Variants in NT5C3A observed in about 807,000 individuals in gnomAD.
NT5C3A encodes cytosolic 5'-nucleotidase 3A.
NT5C3A carries 23 observed loss-of-function variants against 40.0 expected under a neutral mutation model. The ratio of observed to expected loss-of-function variants is 0.58; its 90% CI spans 0.41 to 0.81. The LOEUF (loss-of-function observed/expected upper bound fraction) is 0.81, where lower values mean the gene tolerates loss of function less well. NT5C3A is among the 40% of genes least tolerant of loss of function. The pLI, the probability that NT5C3A is intolerant of heterozygous loss-of-function variation, is 0.00. For missense variants in NT5C3A, 328 were observed against 403.0 expected, an observed-to-expected ratio of 0.81 and a Z score of 1.59; for synonymous variants, 130 against 141.4, an observed-to-expected ratio of 0.92 and a Z score of 0.57.
chr7:33,043,763 A>G (rs1787025307), intron 1 of NT5C3A, among the ~76,000 whole-genome samples: 1 of 152,094 alleles, frequency 6.6e-6, no homozygotes, highest in Non-Finnish European at 1.5e-5. Context: ...CCCAGTGTGT[A>G]TGTGGTAGGA....
At chr7:33,022,137 C>A in intron 3 of NT5C3A, 38 bp from the exon 4 acceptor site, 1 of 1,091,212 alleles carries the variant, frequency 9.2e-7, no homozygotes, top group Non-Finnish European at 1.4e-6. Context: ...AAAAGAAATA[C>A]TCTGATTTAT....
intron 1 of NT5C3A, among the ~76,000 whole-genome samples, chr7:33,042,017 T>TTAAAAAAAAAAAAAAA (rs1289334146): frequency 6.6e-6 from 1 of 152,164 alleles, no homozygotes; most frequent in Non-Finnish European, 1.5e-5. Flanking sequence ...GAAAAAAATT[T>TTAAAAAAAAAAAAAAA]TAAATTGCTG....
At chr7:33,044,033 CTTTTTTTTTTG>C (rs1787040112) in intron 1 of NT5C3A, among the ~76,000 whole-genome samples, 1 of 143,632 alleles carries the variant, frequency 7.0e-6, no homozygotes, top group African/African-American at 2.6e-5. Context: ...TTTTTTTTTT[CTTTTTTTTTTG>C]AGACAGAGGT....
At position 33,062,745 on chromosome 7, in the gene NT5C3A, G is replaced by C. The variant is rs753007541; in HGVS notation, c.-40C>G. ...TGCGCGTCCAAGCAGGAAAAAAACAGGCAGCTCGCGTAGACTGCGAGTCTC... is the reference window on the plus strand; with the variant it reads ...TGCGCGTCCAAGCAGGAAAAAAACACGCAGCTCGCGTAGACTGCGAGTCTC... On this transcript the variant is annotated 5_prime_UTR_variant, in exon 1 of 9. Transcript: ENST00000610140. 2.6e-6 allele frequency: 4 copies of C among 1,549,520 alleles called. No individual in the cohort carries two copies. Among genetic ancestry groups the C allele is most frequent in the Admixed American group, 2.0e-5 (1 of 50,976 alleles).
At chr7:33,038,793 C>G (rs1439264891) in intron 1 of NT5C3A, 2 of 454,686 alleles carry the variant, frequency 4.4e-6, no homozygotes, top group Non-Finnish European at 8.8e-6. Flanking sequence ...TAAACCTATA[C>G]CTGGTATATA....
intron 1 of NT5C3A, among the ~76,000 whole-genome samples, chr7:33,032,119 T>C (rs1786300121): frequency 6.6e-6 from 1 of 151,410 alleles, no homozygotes; most frequent in South Asian, 2.1e-4. Context: ...AGCGAGACTC[T>C]GTCTCAAAAA....
At chr7:33,038,001 A>G (rs17471313) in intron 1 of NT5C3A, among the ~76,000 whole-genome samples, 4,321 of 152,242 alleles carry the variant, frequency 0.028, 90 homozygotes, top group South Asian at 0.12. Flanking sequence ...AACAAACAAG[A>G]TATTATAGAA....
chr7:33,055,630 A>G (rs1787540118), intron 1 of NT5C3A, among the ~76,000 whole-genome samples: 1 of 152,226 alleles, frequency 6.6e-6, no homozygotes, highest in African/African-American at 2.4e-5. Context: ...TGGAACGACC[A>G]TCTCACGACC....
At chr7:33,051,898 G>C (rs1042109186) in intron 1 of NT5C3A, among the ~76,000 whole-genome samples, 1 of 152,036 alleles carries the variant, frequency 6.6e-6, no homozygotes, top group South Asian at 2.1e-4. Flanking sequence ...AAATCTTGTT[G>C]CTTTTAAAAA....
rs775268512 is a variant in NT5C3A, at chr7:33,026,876, G to T, written c.178C>A (p.Pro60Thr). The T allele has an allele frequency of 6.2e-7, 1 of 1,612,700 alleles. No individual in the cohort carries two copies. The highest frequency in any genetic ancestry group is 8.5e-7 in the Non-Finnish European group (1 of 1,179,696). ...FQKSSVRIKN[P>T]TRVEEIICGL... is the part of the protein sequence containing the mutation. ...CAGATAATTTCTTCTACTCTTGTAG[G>T]GTTCTTGATTCGAACTGAACTTTTC... The change falls in exon 2 of 9, where the codon CCT (proline) becomes ACT (threonine). Residue 60 changes from proline to threonine, a missense_variant. By Grantham distance (38) the Pro-to-Thr change is conservative. Coordinates refer to ENST00000610140, the MANE Select transcript of NT5C3A (RefSeq NM_001002010.5).
rs757641127 is a variant in NT5C3A, at chr7:33,014,508, T to C, written c.*222A>G. 4.5e-5 allele frequency: 25 copies of C among 549,570 alleles called. No individual in the cohort carries two copies. The African/African-American group carries it at 5.3e-4, about 12-fold the overall frequency. 34.0% of individuals were successfully genotyped at this position (549,570 alleles called of 1,614,324 possible). A position where few individuals can be genotyped will look rare whatever the true frequency, so the allele number is the denominator to read the frequency against. The stretch of plus-strand genomic sequence containing the variant: ...GTTATTTTTCTAATTTTAGCTTTTT[T>C]TTTTTTTTAAATGGGTTAAAAGATA... On this transcript the variant is annotated 3_prime_UTR_variant, in exon 9 of 9. Transcript: ENST00000610140.
At chr7:33,030,318 T>C (rs996637111) in intron 1 of NT5C3A, among the ~76,000 whole-genome samples, 1 of 152,220 alleles carries the variant, frequency 6.6e-6, no homozygotes, top group Non-Finnish European at 1.5e-5. Context: ...AACTGTTGCA[T>C]GAGATCACAT....
rs1040431064 is a variant in NT5C3A, at chr7:33,035,533, T to C, written c.139-8618A>G. 5.9e-5 allele frequency among the ~76,000 whole-genome samples: 9 copies of C among 152,188 alleles called. No individual in the cohort carries two copies. The East Asian group carries it at 1.5e-3, about 26-fold the overall frequency. On this transcript the variant is annotated intron_variant, in intron 1 of 8. Transcript: ENST00000610140. ...CTGACTCCAAAGCCTGTACATTTCC[T>C]ATCTCATCCTAGTATATATAATGCA...
At chr7:33,015,519 C>T in intron 8 of NT5C3A, 151 bp downstream of exon 8, 1 of 612,990 alleles carries the variant, frequency 1.6e-6, no homozygotes, top group Non-Finnish European at 2.9e-6. Context: ...GATGTGATTG[C>T]ATCACTACAC....
chr7:33,062,197 A>T (rs958743757), intron 1 of NT5C3A, among the ~76,000 whole-genome samples: 4 of 152,066 alleles, frequency 2.6e-5, no homozygotes, highest in Non-Finnish European at 4.4e-5. Context: ...CAAGGCAGGG[A>T]GAGAAGGAGC....
chr7:33,037,197 A>C (rs758693834), intron 1 of NT5C3A, among the ~76,000 whole-genome samples: 11 of 152,224 alleles, frequency 7.2e-5, no homozygotes, highest in Non-Finnish European at 7.3e-5. Context: ...TAGGTATGTG[A>C]GAGTGTTTAT....
rs142190109 is a variant in NT5C3A, at chr7:33,055,507, A to T, written c.138+7061T>A. Among the ~76,000 whole-genome samples the T allele has an allele frequency of 3.3e-5, 5 of 152,272 alleles. No individual in the cohort carries two copies. The South Asian group carries it at 1.0e-3, about 32-fold the overall frequency. ...TCACTTACATAAGGGTAGCCATATAACCTTGTTCTCTCCAATTATCTGTAA... is the reference window on the plus strand; with the variant it reads ...TCACTTACATAAGGGTAGCCATATATCCTTGTTCTCTCCAATTATCTGTAA... On this transcript the variant is annotated intron_variant, in intron 1 of 8. Coordinates refer to ENST00000610140, the MANE Select transcript of NT5C3A (RefSeq NM_001002010.5).
At chr7:33,039,469 T>C (rs1786790725) in intron 1 of NT5C3A, among the ~76,000 whole-genome samples, 2 of 151,346 alleles carry the variant, frequency 1.3e-5, no homozygotes, top group Non-Finnish European at 2.9e-5. Flanking sequence ...TACCATAATA[T>C]GGACACAGTA....
intron 1 of NT5C3A, among the ~76,000 whole-genome samples, chr7:33,030,566 A>G (rs760608005): frequency 9.2e-5 from 14 of 152,340 alleles, no homozygotes; most frequent in Non-Finnish European, 1.5e-4. Context: ...GCCGCAGCGT[A>G]AAATGTTGGG....
Sources: gnomAD v4.1 joint callset for allele counts (sites outside exome capture counted in the v4.1 genomes callset) on GRCh38, gnomAD v4.1.1 for gene constraint, MANE v1.5 for transcripts, NCBI Gene and HGNC (gene_info 2026-07-23, HGNC 2026-07-21) for gene names.